Variants in SACS observed in about 807,000 individuals in gnomAD.
The protein encoded by SACS is sacsin molecular chaperone.
In SACS, 197 loss-of-function variants were observed where a neutral mutation model predicts 348.0. The ratio of observed to expected loss-of-function variants is 0.57; its 90% confidence interval spans 0.50 to 0.64. SACS has a LOEUF of 0.64. Ranked by LOEUF, SACS falls within the 30% of genes least tolerant of loss-of-function variation. The pLI is 0.00. For missense variants in SACS, 4,999 were observed against 5,360.8 expected (o/e 0.93, Z 2.11); for synonymous variants, 1,985 against 1,910.6 (o/e 1.04, Z -1.02).
rs1193254134 is a variant in SACS at position 23,330,128 on chromosome 13, A to G, written c.*8T>C. On this transcript the variant is annotated 3_prime_UTR_variant, in exon 10 of 10. Transcript: ENST00000382292. ...TTCAAGATCTACCTTTTTTTTCGTT[A>G]AATATCTTCACACTTTTTGTTGCAT... 1 of 1,609,438 alleles carries G rather than the reference A, an allele frequency of 6.2e-7. No homozygotes were observed. Among genetic ancestry groups the G allele is most frequent in the African/African-American group, 1.3e-5 (1 of 74,602 alleles).
At chr13:23,398,914 G>A (rs773408318) in intron 2 of SACS, among the ~76,000 whole-genome samples, 52 of 150,128 alleles carry the variant, frequency 3.5e-4, no homozygotes, top group Admixed American at 1.3e-3. Flanking sequence ...CCAGCTACTC[G>A]GGAGGTTGAG....
rs192218889 is a variant in SACS at position 23,422,769 on chromosome 13, C to A, written c.-502+10846G>T. On this transcript the variant is annotated intron_variant, in intron 1 of 9. Transcript: ENST00000382292. ...TGCCTCCTGGGTTCACGCCATTCTC[C>A]TGCCTCAGCCTTTGGTGTTTCATAT... is the stretch of plus-strand genomic sequence containing the variant. Among the ~76,000 whole-genome samples the A allele has an allele frequency of 1.7e-3, 264 of 152,000 alleles. 3 individuals are homozygous for A. The Middle Eastern group carries it at 0.028, about 16-fold the overall frequency.
chr13:23,354,136 T>A (rs1358673024), intron 8 of SACS, among the ~76,000 whole-genome samples: 1 of 152,244 alleles, frequency 6.6e-6, no homozygotes, highest in African/African-American at 2.4e-5. Context: ...TTTCCTGAAA[T>A]GTCAGTACAC....
At chr13:23,342,060 TA>T (rs1269506907) in intron 9 of SACS, among the ~76,000 whole-genome samples, 1 of 152,126 alleles carries the variant, frequency 6.6e-6, no homozygotes, top group East Asian at 1.9e-4. Flanking sequence ...GTGCTGGGAT[TA>T]CAGGCATGAG....
chr13:23,364,578 G>C (rs1870947714), intron 6 of SACS, among the ~76,000 whole-genome samples: 1 of 152,228 alleles, frequency 6.6e-6, no homozygotes. Context: ...ACCGCACCCA[G>C]CCAGAGGTAT....
At chr13:23,343,662 C>T (rs1015741847) in intron 9 of SACS, among the ~76,000 whole-genome samples, 3 of 152,006 alleles carry the variant, frequency 2.0e-5, no homozygotes, top group Non-Finnish European at 2.9e-5. Context: ...CCAGCCTGGG[C>T]GACAGAGCAA....
intron 7 of SACS, among the ~76,000 whole-genome samples, chr13:23,357,005 A>G (rs552081394): frequency 6.6e-6 from 1 of 152,326 alleles, no homozygotes; most frequent in African/African-American, 2.4e-5. Flanking sequence ...CCATGAATGA[A>G]ATCAGGCCAG....
chr13:23,428,793 G>A (rs1037466433), intron 1 of SACS: 2 of 152,154 alleles, frequency 1.3e-5, no homozygotes, highest in African/African-American at 4.8e-5. Flanking sequence ...AGTTGCTCAA[G>A]AATATCTTAT....
rs750962725 is a variant in SACS, at chr13:23,332,183, T to C, written c.11693A>G (p.Asp3898Gly). 1 of 1,614,058 alleles carries C rather than the reference T, an allele frequency of 6.2e-7. No homozygotes were observed. Among genetic ancestry groups the C allele is most frequent in the Non-Finnish European group, 8.5e-7 (1 of 1,179,952 alleles). ...LQNDSVKVRS[D>G]LENVRDLALY... is the part of the protein sequence containing the mutation. ...CGCAAGGTCTCGTACATTCTCGAGA[T>C]CACTCCTCACCTTGACTGAATCATT... Residue 3898 changes from aspartate to glycine, a missense_variant, in exon 10 of 10, where the codon GAT becomes GGT. Physicochemically the swap from Asp to Gly is moderately conservative, Grantham distance 94. This residue lies in a region of SACS where 831 missense variants were observed against 941.8 expected (regional missense o/e 0.88). Transcript: ENST00000382292.
chr13:23,358,198 C>T, intron 7 of SACS, 137 bp downstream of exon 7: 1 of 872,694 alleles, frequency 1.1e-6, no homozygotes, highest in Non-Finnish European at 1.9e-6. Context: ...ATTTCATTGA[C>T]ATACCTCCTG....
chr13:23,379,642 C>T (rs1221863826), intron 2 of SACS, among the ~76,000 whole-genome samples: 2 of 152,218 alleles, frequency 1.3e-5, no homozygotes, highest in African/African-American at 2.4e-5. Context: ...GTTAACTGTG[C>T]ACACTGCTTG....
At chr13:23,401,094 C>T (rs1872956669) in intron 2 of SACS, among the ~76,000 whole-genome samples, 1 of 151,884 alleles carries the variant, frequency 6.6e-6, no homozygotes, top group Non-Finnish European at 1.5e-5. Flanking sequence ...GTGTCAATAC[C>T]TGCATTGTCC....
At chr13:23,354,439 T>G (rs1870182849) in intron 8 of SACS, 80 bp downstream of exon 8, 1 of 1,263,740 alleles carries the variant, frequency 7.9e-7, no homozygotes, top group African/African-American at 1.5e-5. Flanking sequence ...CCATTGAATT[T>G]CACAACAAAG....
Position 23,332,304 on chromosome 13 carries a change from T to C in SACS, c.11572A>G (p.Ser3858Gly). The change falls in exon 10 of 10, where the codon AGC becomes GGC. Residue 3858 changes from serine (S) to glycine (G), a missense_variant. Around this residue, in one of 6 missense-constraint regions of SACS, gnomAD observed 831 missense variants for 941.8 expected, o/e 0.88. Coordinates refer to ENST00000382292, the MANE Select transcript of SACS (RefSeq NM_014363.6). ...ISTKQYVEVL[S>G]RIFKNSEGKQ... ...CCCTCAGAATTTTTAAATATGCGGC[T>C]CAACACTTCAACATATTGCTTAGTT... is the stretch of plus-strand genomic sequence containing the variant. 1 of 1,614,020 alleles carries C rather than the reference T, an allele frequency of 6.2e-7. No individual in the cohort carries two copies. The highest frequency in any genetic ancestry group is 2.2e-5 in the East Asian group (1 of 44,884).
chr13:23,361,467 A>AGATAAGATAAGATAAGATAAGATAAG (rs913654854), intron 6 of SACS, among the ~76,000 whole-genome samples: 21 of 152,238 alleles, frequency 1.4e-4, no homozygotes, highest in Admixed American at 5.9e-4. Context: ...TGGTTCTAAA[A>AGATAAGATAAGATAAGATAAGATAAG]GTAAGATAAG....
At chr13:23,402,863 C>CTAA (rs1873038682) in intron 2 of SACS, among the ~76,000 whole-genome samples, 1 of 152,122 alleles carries the variant, frequency 6.6e-6, no homozygotes, top group Non-Finnish European at 1.5e-5. Flanking sequence ...GCATGGCTTC[C>CTAA]TAACCTGCAG....
chr13:23,389,532 T>C (rs1481814669), intron 2 of SACS, among the ~76,000 whole-genome samples: 1 of 152,242 alleles, frequency 6.6e-6, no homozygotes, highest in East Asian at 1.9e-4. Flanking sequence ...TTTTACTTAA[T>C]ATGGTATCTG....
chr13:23,339,964 C>T lies in SACS; in HGVS notation c.3912G>A (p.Leu1304=), dbSNP rs753675356. The part of the protein sequence containing the change: ...PIHDLDLQPY[L]HNVPKTMAKF... Reference sequence around the variant, plus strand: ...TTGCCATGGTTTTAGGTACATTATGCAAATAAGGCTGAAGGTCAAGATCAT... The same window carrying T: ...TTGCCATGGTTTTAGGTACATTATGTAAATAAGGCTGAAGGTCAAGATCAT... The change falls in exon 10 of 10, where the codon TTG becomes TTA. Residue 1304 remains leucine (L), a synonymous_variant. Coordinates refer to ENST00000382292, the MANE Select transcript of SACS (RefSeq NM_014363.6). 9 of 1,613,472 alleles carry T rather than the reference C, an allele frequency of 5.6e-6. No homozygotes were observed. Among genetic ancestry groups the T allele is most frequent in the Non-Finnish European group, 7.6e-6 (9 of 1,179,820 alleles).
At chr13:23,353,994 A>G in intron 8 of SACS, 118 bp from the exon 9 acceptor site, 1 of 712,376 alleles carries the variant, frequency 1.4e-6, no homozygotes. Context: ...ATAAATTATA[A>G]TGCACACATC....
Sources: gnomAD v4.1 joint callset for allele counts (sites outside exome capture counted in the v4.1 genomes callset) on GRCh38, gnomAD v4.1.1 for gene constraint, gnomAD v4.1.1 regional missense constraint, MANE v1.5 for transcripts, NCBI Gene and HGNC (gene_info 2026-07-23, HGNC 2026-07-21) for gene names.